The following UNKL variants were observed in gnomAD, a reference collection of about 807,000 sequenced individuals.
The protein encoded by UNKL is unk like zinc finger, also known as putative E3 ubiquitin-protein ligase UNKL.
UNKL carries 60 observed loss-of-function variants against 78.0 expected under a neutral mutation model. The observed-to-expected ratio is 0.77, with a 90% CI of 0.63 to 0.95. The LOEUF (loss-of-function observed/expected upper bound fraction) is 0.95, where lower values mean the gene tolerates loss of function less well. Among genes scored for constraint, UNKL ranks in the 40% least tolerant of loss-of-function variants. The pLI is 0.00. For missense variants in UNKL, 1,159 were observed against 1,045.7 expected (o/e 1.11, Z -1.49); for synonymous variants, 608 against 474.8 (o/e 1.28, Z -3.65).
chr16:1,367,038 G>A (rs1044650508), intron 14 of UNKL, 54 bp downstream of exon 14: 122 of 1,467,738 alleles, frequency 8.3e-5, no homozygotes, highest in South Asian at 1.4e-5. Flanking sequence ...CCCAGACAGG[G>A]ACAGCAGCCC....
chr16:1,375,048 G>A lies in UNKL; in HGVS notation c.1265-3437C>T, dbSNP rs944344164. On this transcript the variant is annotated intron_variant, in intron 10 of 14. Transcript: ENST00000389221. ...CTGGAAGCAGCTGGCACCAGTCAGC[G>A]CCACGGGGACCATGGGAGCAACCAC... Among the ~76,000 whole-genome samples the A allele has an allele frequency of 5.9e-5, 9 of 152,194 alleles. 1 individual carries two copies. The highest frequency in any genetic ancestry group is 9.6e-5 in the African/African-American group (4 of 41,462).
chr16:1,367,374 A>C (rs79959864), intron 13 of UNKL, 25 bp from the exon 14 acceptor site: 51,013 of 1,515,818 alleles, frequency 0.034, 2,867 homozygotes, highest in African/African-American at 0.25. Context: ...CCGTCTCAGC[A>C]CCCCCCACCT....
intron 3 of UNKL, among the ~76,000 whole-genome samples, chr16:1,401,959 G>A (rs778102458): frequency 2.8e-4 from 42 of 152,186 alleles, no homozygotes; most frequent in Admixed American, 4.6e-4. Context: ...GTGCAGTGAC[G>A]CAATCACAGC....
intron 6 of UNKL, chr16:1,395,928 C>G: frequency 2.7e-6 from 1 of 372,418 alleles, no homozygotes; most frequent in Admixed American, 3.2e-5. Context: ...AGCCCCTGCA[C>G]GCCTCCCCCT....
At position 1,367,128 on chromosome 16, in the gene UNKL, C is replaced by CTGCAGCGAG. The variant is rs2035338319; in HGVS notation, c.2001_2009dup (p.His667_Leu669dup). The CTGCAGCGAG allele has an allele frequency of 1.3e-6, 2 of 1,592,636 alleles. No homozygotes were observed. Among genetic ancestry groups the CTGCAGCGAG allele is most frequent in the Non-Finnish European group, 1.7e-6 (2 of 1,172,712 alleles). On this transcript the variant is annotated inframe_insertion, in exon 14 of 15. Coordinates refer to ENST00000389221, the MANE Select transcript of UNKL (RefSeq NM_001372107.1). ...CCTCCAGGTCCAGGCGCAGCTGACT[C>CTGCAGCGAG]TGCAGCGAGTGCAGCTTCGGCAGGG...
rs575961074 is a variant in UNKL at position 1,387,690 on chromosome 16, C to T, written c.1087-2305G>A. 5.9e-5 allele frequency among the ~76,000 whole-genome samples: 9 copies of T among 152,264 alleles called. No individual in the cohort carries two copies. The South Asian group carries it at 8.3e-4, about 14-fold the overall frequency. ...CAGAACCAAAAGCTCAGGATGGCAACGCACGGCCCTCCGGGGACGTGGACA... is the reference window on the plus strand; with the variant it reads ...CAGAACCAAAAGCTCAGGATGGCAATGCACGGCCCTCCGGGGACGTGGACA... On this transcript the variant is annotated intron_variant, in intron 9 of 14. Transcript: ENST00000389221. The surrounding 1 kb of genome is among the most constrained non-coding windows in gnomAD (Gnocchi z 4.1).
chr16:1,396,197 C>T (rs2037253181), intron 6 of UNKL, among the ~76,000 whole-genome samples: 1 of 151,752 alleles, frequency 6.6e-6, no homozygotes, highest in Non-Finnish European at 1.5e-5. Context: ...CCACCTCAGC[C>T]TTCCAAAGTG....
At chr16:1,370,103 G>A (rs1022049542) in intron 12 of UNKL, 27 bp downstream of exon 12, 33 of 1,540,806 alleles carry the variant, frequency 2.1e-5, no homozygotes, top group Admixed American at 4.0e-5. Context: ...TCACGGCAAC[G>A]CCAGCATGGA....
chr16:1,385,295 C>T lies in UNKL; in HGVS notation c.1177G>A (p.Gly393Ser), dbSNP rs1025202428. Residue 393 changes from glycine (G) to serine (S), a missense_variant, in exon 10 of 15, where the codon GGC (glycine) becomes AGC (serine). Coordinates refer to ENST00000389221, the MANE Select transcript of UNKL (RefSeq NM_001372107.1). Reference protein sequence around the residue: ...ASSLASSAGSGSSSPTALPAP... With the variant: ...ASSLASSAGSSSSSPTALPAP... The stretch of plus-strand genomic sequence containing the variant: ...GGCAGCGCAGTGGGGGAGGAGCTGC[C>T]GGAGCCGGCGCTGGACGCCAGGCTG... 44 of 1,374,640 alleles carry T rather than the reference C, an allele frequency of 3.2e-5. No individual in the cohort carries two copies. The highest frequency in any genetic ancestry group is 3.8e-5 in the Non-Finnish European group (41 of 1,069,472). 85.2% of individuals were successfully genotyped at this position (1,374,640 alleles called of 1,614,324 possible). A position where few individuals can be genotyped will look rare whatever the true frequency, so the allele number is the denominator to read the frequency against.
rs1448835398 is a variant in UNKL, at chr16:1,372,857, G to A, written c.1265-1246C>T. ...CGCACAGGGACTGCCGGCCTACACTGCACAGAGACCTCAGCAGCGTGGAGC... is the reference window on the plus strand; with the variant it reads ...CGCACAGGGACTGCCGGCCTACACTACACAGAGACCTCAGCAGCGTGGAGC... On this transcript the variant is annotated intron_variant, in intron 10 of 14. Transcript: ENST00000389221. 1.2e-4 allele frequency among the ~76,000 whole-genome samples: 16 copies of A among 138,818 alleles called. 1 individual carries two copies. The highest frequency in any genetic ancestry group is 9.5e-5 in the Non-Finnish European group (6 of 63,038). The allele number at this position is 138,818 out of a possible 152,430, so 91.1% of individuals were successfully genotyped here. A position where few individuals can be genotyped will look rare whatever the true frequency, so the allele number is the denominator to read the frequency against.
rs1467098739 is a variant in UNKL, at chr16:1,367,160, T to A, written c.1978A>T (p.Thr660Ser). Residue 660 changes from threonine (T) to serine (S), a missense_variant, in exon 14 of 15, where the codon ACC becomes TCC. Thr to Ser is a moderately conservative substitution (Grantham distance 58). Coordinates refer to ENST00000389221, the MANE Select transcript of UNKL (RefSeq NM_001372107.1). ...GAGTGCAGCTTCGGCAGGGGAATGG[T>A]GCCGATGTCCCCACAGCCCCGCAGC... ...PGLRGCGDIG[T>S]IPLPKLHSLQ... The A allele has an allele frequency of 6.2e-7, 1 of 1,604,086 alleles. No individual in the cohort carries two copies. Among genetic ancestry groups the A allele is most frequent in the Non-Finnish European group, 8.5e-7 (1 of 1,177,450 alleles).
chr16:1,379,596 T>G (rs2036502762), intron 10 of UNKL: 5 of 984,942 alleles, frequency 5.1e-6, no homozygotes, highest in Non-Finnish European at 6.0e-6. Flanking sequence ...ACCCGCACCT[T>G]GGCGGCGCAC....
intron 6 of UNKL, among the ~76,000 whole-genome samples, chr16:1,395,140 G>A (rs1026649837): frequency 1.0e-4 from 15 of 150,296 alleles, no homozygotes; most frequent in Admixed American, 1.3e-4. Context: ...GATTACAGGC[G>A]TGAACCACCG....
At position 1,367,664 on chromosome 16, in the gene UNKL, C is replaced by G. The variant is rs952295996; in HGVS notation, c.1780G>C (p.Val594Leu). The G allele has an allele frequency of 1.9e-6, 3 of 1,567,670 alleles. No homozygotes were observed. The highest frequency in any genetic ancestry group is 1.7e-6 in the Non-Finnish European group (2 of 1,157,686). ...CCCCCCCACACACTCACCTGCTTCA[C>G]CTGCTGCCAGGACTCCTCCCACTGC... ...IRQWEESWQQVKQVCDAWQRE... is the reference protein window; with the variant it reads ...IRQWEESWQQLKQVCDAWQRE... Residue 594 changes from valine to leucine, a missense_variant, in exon 13 of 15, where the codon GTG becomes CTG. By Grantham distance (32) the Val-to-Leu change is conservative (BLOSUM62 1). Transcript: ENST00000389221.
chr16:1,366,273 G>T lies in UNKL; in HGVS notation c.2169C>A (p.Cys723Ter). The part of the protein sequence containing the change: ...CEPCAATAPE[C>*]PYCKGQPLQW ...GCAGGGGCTGGCCCTTGCAGTAGGG[G>T]CACTCAGGTGCGGTGGCCGCACACG... The change falls in exon 15 of 15, where the codon TGC becomes TGA. Residue 723 changes from cysteine to a stop codon, truncating the protein, a stop_gained. Transcript: ENST00000389221. LOFTEE classifies it high-confidence loss of function. The T allele has an allele frequency of 6.3e-7, 1 of 1,590,204 alleles. No homozygotes were observed. Among genetic ancestry groups the T allele is most frequent in the East Asian group, 2.3e-5 (1 of 43,668 alleles).
At chr16:1,397,878 T>A (rs1338561116) in intron 5 of UNKL, among the ~76,000 whole-genome samples, 1 of 152,096 alleles carries the variant, frequency 6.6e-6, no homozygotes, top group Non-Finnish European at 1.5e-5. Context: ...TGCCCAGGGG[T>A]GTCTGCCTCC....
rs886930870 is a variant in UNKL, at chr16:1,367,324, G to A, written c.1814C>T (p.Ala605Val). The change falls in exon 14 of 15, where the codon GCG (alanine) becomes GTG (valine). Residue 605 changes from alanine (A) to valine (V), a missense_variant. Physicochemically the swap from Ala to Val is moderately conservative, Grantham distance 64. Coordinates refer to ENST00000389221, the MANE Select transcript of UNKL (RefSeq NM_001372107.1). The part of the protein sequence containing the change: ...KQVCDAWQRE[A>V]QEAKERARVA... ...ACGGGCACGCTCCTTGGCCTCCTGC[G>A]CCTCTCGCTGCCAGGCATCGCAGAC... is the stretch of plus-strand genomic sequence containing the variant. 5.8e-6 allele frequency: 9 copies of A among 1,546,632 alleles called. No individual in the cohort carries two copies. The East Asian group carries it at 9.7e-5, about 17-fold the overall frequency.
chr16:1,368,595 T>G (rs28755969), intron 12 of UNKL, among the ~76,000 whole-genome samples: 1 of 129,280 alleles, frequency 7.7e-6, no homozygotes, highest in South Asian at 2.7e-4. Flanking sequence ...GGCGACAGAA[T>G]GAGACTCCGT....
intron 9 of UNKL, among the ~76,000 whole-genome samples, chr16:1,386,025 G>A (rs1018171119): frequency 6.6e-6 from 1 of 152,248 alleles, no homozygotes; most frequent in African/African-American, 2.4e-5. Flanking sequence ...CAGTAACGGG[G>A]AGGGTGCTGC....
Sources: gnomAD v4.1 joint callset for allele counts (sites outside exome capture counted in the v4.1 genomes callset) on GRCh38, gnomAD v4.1.1 for gene constraint, Gnocchi (gnomAD v3.1) non-coding constraint, MANE v1.5 for transcripts, NCBI Gene and HGNC (gene_info 2026-07-23, HGNC 2026-07-21) for gene names.